FMN1: variants seen among roughly 807,000 people sequenced by gnomAD.
FMN1 encodes the protein formin 1.
A neutral mutation model predicts 132.4 loss-of-function variants in FMN1; 110 were observed. The ratio of observed to expected loss-of-function variants is 0.83; its 90% CI spans 0.71 to 0.97. The LOEUF is 0.97. Among genes scored for constraint, FMN1 ranks in the 50% least tolerant of loss-of-function variants. FMN1 has a pLI of 0.00. For missense variants in FMN1, 1,792 were observed against 1,705.3 expected, an observed-to-expected ratio of 1.05 and a Z score of -0.90; for synonymous variants, 722 against 651.7, an observed-to-expected ratio of 1.11 and a Z score of -1.64.
At chr15:33,075,415 A>G (rs2141295537) in intron 5 of FMN1, among the ~76,000 whole-genome samples, 1 of 152,290 alleles carries the variant, frequency 6.6e-6, no homozygotes, top group East Asian at 1.9e-4. Flanking sequence ...CAGAAGGACT[A>G]CATACAACAC....
chr15:32,952,747 AT>A (rs1291330139), intron 9 of FMN1, among the ~76,000 whole-genome samples: 1 of 152,216 alleles, frequency 6.6e-6, no homozygotes, highest in Non-Finnish European at 1.5e-5. Context: ...AAAATGCCTA[AT>A]GCGACTAATA....
intron 17 of FMN1, among the ~76,000 whole-genome samples, chr15:32,852,882 T>G (rs147507751): frequency 2.4e-4 from 37 of 152,334 alleles, no homozygotes; most frequent in African/African-American, 7.9e-4. Context: ...ATTGTGACTC[T>G]TATCACCGTT....
intron 5 of FMN1, among the ~76,000 whole-genome samples, chr15:33,072,320 G>A (rs990478884): frequency 1.3e-5 from 2 of 152,160 alleles, no homozygotes; most frequent in Non-Finnish European, 2.9e-5. Flanking sequence ...AACTTTTCCT[G>A]TAAGTGGATT....
chr15:33,066,255 C>T (rs1250944766), intron 5 of FMN1, among the ~76,000 whole-genome samples: 1 of 152,204 alleles, frequency 6.6e-6, no homozygotes, highest in Admixed American at 6.5e-5. Context: ...TTTAAATTCA[C>T]GGTGACAGTT....
At chr15:32,864,461 C>T (rs2059347163) in intron 16 of FMN1, among the ~76,000 whole-genome samples, 1 of 152,314 alleles carries the variant, frequency 6.6e-6, no homozygotes, top group African/African-American at 2.4e-5. Flanking sequence ...CATTAATGAC[C>T]CATATGTGGA....
chr15:32,973,379 A>G (rs957400620), intron 7 of FMN1, among the ~76,000 whole-genome samples: 4 of 152,134 alleles, frequency 2.6e-5, no homozygotes, highest in Non-Finnish European at 2.9e-5. Flanking sequence ...CCTCTGTTGC[A>G]AACACTCAAG....
intron 3 of FMN1, among the ~76,000 whole-genome samples, chr15:33,173,026 A>T (rs16966185): frequency 0.24 from 37,259 of 152,078 alleles, 5,035 homozygotes; most frequent in Middle Eastern, 0.32. Context: ...ATACCATATA[A>T]CCCACAGAAC....
intron 8 of FMN1, among the ~76,000 whole-genome samples, chr15:32,965,342 A>G (rs950307157): frequency 1.3e-5 from 2 of 152,042 alleles, no homozygotes; most frequent in African/African-American, 4.8e-5. Context: ...AGAGGTTGCG[A>G]TGAACTGAGA....
intron 4 of FMN1, among the ~76,000 whole-genome samples, chr15:33,114,097 G>C (rs978660414): frequency 1.3e-5 from 2 of 152,174 alleles, no homozygotes; most frequent in African/African-American, 4.8e-5. Context: ...GTTCAGAATT[G>C]TCAGCCCGGT....
At position 32,957,298 on chromosome 15, in the gene FMN1, CTTTT is replaced by C. The variant is rs869111673; in HGVS notation, c.3138+6805_3138+6808del. On this transcript the variant is annotated intron_variant, in intron 9 of 20. Coordinates refer to ENST00000616417, the MANE Select transcript of FMN1 (RefSeq NM_001277313.2). ...AATTGGAAAGTTTATCAGAGCAGTT[CTTTT>C]TTTTTTTTTTTTTTTTTTTTTTTAC... 9.4e-3 allele frequency among the ~76,000 whole-genome samples: 794 copies of C among 84,162 alleles called. 8 individuals are homozygous for C. Among genetic ancestry groups the C allele is most frequent in the African/African-American group, 0.034 (753 of 22,078 alleles). The allele number at this position is 84,162 out of a possible 152,430, so 55.2% of individuals were successfully genotyped here.
At chr15:33,017,455 T>A (rs1009367750) in intron 6 of FMN1, among the ~76,000 whole-genome samples, 1 of 151,960 alleles carries the variant, frequency 6.6e-6, no homozygotes, top group Non-Finnish European at 1.5e-5. Flanking sequence ...TCTATCAACC[T>A]AAAACTACTC....
Position 32,872,971 on chromosome 15 carries a change from C to T in FMN1, c.3835+15201G>A, listed in dbSNP as rs549387416. ...AAAGGATGGAAAGTTATTTTTAAAA[C>T]ACACAACCTAATCTGGTGGATGAAT... On this transcript the variant is annotated intron_variant, in intron 16 of 20. Coordinates refer to ENST00000616417, the MANE Select transcript of FMN1 (RefSeq NM_001277313.2). Among the ~76,000 whole-genome samples the T allele has an allele frequency of 5.7e-4, 86 of 151,948 alleles. 2 individuals are homozygous for T. The highest frequency in any genetic ancestry group is 4.2e-3 in the South Asian group (20 of 4,816).
intron 4 of FMN1, among the ~76,000 whole-genome samples, chr15:33,151,842 G>T (rs1964452277): frequency 1.3e-5 from 2 of 152,080 alleles, no homozygotes. Context: ...AAGCATATTG[G>T]TTATGAAAGT....
intron 9 of FMN1, among the ~76,000 whole-genome samples, chr15:32,962,733 C>T (rs1477796188): frequency 4.0e-5 from 6 of 150,134 alleles, no homozygotes; most frequent in Admixed American, 2.6e-4. Context: ...CCAAAAAACA[C>T]ATGAAAAAAT....
intron 19 of FMN1, among the ~76,000 whole-genome samples, chr15:32,787,003 G>C (rs2056902529): frequency 6.6e-6 from 1 of 152,228 alleles, no homozygotes; most frequent in African/African-American, 2.4e-5. Flanking sequence ...GTAGAGACCT[G>C]ACCAGGGCTG....
intron 6 of FMN1, among the ~76,000 whole-genome samples, chr15:33,021,780 G>A (rs2035428633): frequency 6.6e-6 from 1 of 152,144 alleles, no homozygotes; most frequent in African/African-American, 2.4e-5. Context: ...CTTGTTTTAT[G>A]TTCTATCATA....
At chr15:33,051,143 C>T (rs887050834) in intron 6 of FMN1, among the ~76,000 whole-genome samples, 11 of 152,028 alleles carry the variant, frequency 7.2e-5, no homozygotes, top group Non-Finnish European at 1.3e-4. Context: ...TTTGCTTTTT[C>T]CTCTATATAT....
rs144208540 is a variant in FMN1, at chr15:32,803,486, C to T, written c.3980+795G>A. Among the ~76,000 whole-genome samples, 62 of 152,176 alleles carry T rather than the reference C, an allele frequency of 4.1e-4. No individual in the cohort carries two copies. In the East Asian group the frequency reaches 0.011, roughly 27 times the overall value. ...ATGTGATATCTATTGAGAGAGTGAG[C>T]GAGCAAGAAGATGCCTGAAGTGGGT... On this transcript the variant is annotated intron_variant, in intron 18 of 20. Coordinates refer to ENST00000616417, the MANE Select transcript of FMN1 (RefSeq NM_001277313.2).
intron 6 of FMN1, among the ~76,000 whole-genome samples, chr15:33,014,047 G>A (rs1022130435): frequency 6.6e-6 from 1 of 152,124 alleles, no homozygotes; most frequent in African/African-American, 2.4e-5. Flanking sequence ...TTTACCAAGA[G>A]TCCCAGTGTG....
Sources: allele counts gnomAD v4.1 joint callset (sites outside exome capture counted in the v4.1 genomes callset), GRCh38; gene constraint gnomAD v4.1.1; transcripts MANE v1.5; gene names NCBI Gene and HGNC (gene_info 2026-07-23, HGNC 2026-07-21).